The following ASNS variants were observed in gnomAD, a reference collection of about 807,000 sequenced individuals.
ASNS encodes asparagine synthetase (glutamine-hydrolyzing).
In ASNS, 37 loss-of-function variants were observed where a neutral mutation model predicts 62.6. The ratio of observed to expected loss-of-function variants is 0.59; its 90% CI spans 0.45 to 0.78. The LOEUF is 0.78. ASNS is among the 30% of genes least tolerant of loss of function. ASNS has a pLI of 0.00. For synonymous variants in ASNS, 207 were observed against 237.9 expected, an observed-to-expected ratio of 0.87 and a Z score of 1.19; for missense variants, 520 against 682.4, an observed-to-expected ratio of 0.76 and a Z score of 2.65.
At chr7:97,879,395 C>G in the ASNS span, among the ~76,000 whole-genome samples, 2 of 152,178 alleles carry the variant, frequency 1.3e-5, no homozygotes, top group African/African-American at 4.8e-5. Flanking sequence ...GCTATCTACT[C>G]GTCTGACAAA....
the ASNS span, among the ~76,000 whole-genome samples, chr7:97,920,467 T>C: frequency 5.9e-4 from 89 of 150,350 alleles, no homozygotes; most frequent in Non-Finnish European, 1.2e-3. Context: ...GTCTAGAGGG[T>C]CAGAGGGAGC....
rs1295285410 is a variant in ASNS, at chr7:97,868,995, G to A, written c.162C>T (p.Asp54=). 6.2e-7 allele frequency: 1 copy of A among 1,614,170 alleles called. No individual in the cohort carries two copies. The highest frequency in any genetic ancestry group is 8.5e-7 in the Non-Finnish European group (1 of 1,180,044). The change falls in exon 3 of 13, where the codon GAC becomes GAT. Residue 54 remains aspartate (D), a synonymous_variant. Coordinates refer to ENST00000394308, the MANE Select transcript of ASNS (RefSeq NM_001673.5). ...GAATTGGCTGCATTCCAAACAGCGGGTCAACTACCGCCAACCGGTGAAATC... is the reference window on the plus strand; with the variant it reads ...GAATTGGCTGCATTCCAAACAGCGGATCAACTACCGCCAACCGGTGAAATC... ...CFGFHRLAVV[D]PLFGMQPIRV... is the part of the protein sequence containing the mutation.
chr7:97,882,222 C>A, the ASNS span, among the ~76,000 whole-genome samples: 1,417 of 152,130 alleles, frequency 9.3e-3, 17 homozygotes, highest in Non-Finnish European at 8.2e-3. Flanking sequence ...CAGTGGGACA[C>A]CCCGGAGTTA....
At chr7:97,926,141 T>C in the ASNS span, among the ~76,000 whole-genome samples, 2 of 144,280 alleles carry the variant, frequency 1.4e-5, no homozygotes, top group Non-Finnish European at 3.0e-5. Context: ...TGCTAAAACA[T>C]CCTTTAGCCA....
chr7:97,872,825 G>A (rs1792351201), upstream of ASNS, among the ~76,000 whole-genome samples: 2 of 152,246 alleles, frequency 1.3e-5, no homozygotes, highest in Non-Finnish European at 2.9e-5. Context: ...TCGGGGCCAG[G>A]AGCGGTGGCT....
chr7:97,914,475 G>A, the ASNS span, among the ~76,000 whole-genome samples: 1 of 152,210 alleles, frequency 6.6e-6, no homozygotes, highest in African/African-American at 2.4e-5. Flanking sequence ...AGTGATGACA[G>A]CTGGGCAACC....
At chr7:97,880,133 CTT>C in the ASNS span, among the ~76,000 whole-genome samples, 11,996 of 146,474 alleles carry the variant, frequency 0.082, 615 homozygotes, top group East Asian at 0.11. Context: ...TCATCTCTGT[CTT>C]TTTTTTTTTT....
At chr7:97,898,679 T>C in the ASNS span, 2 of 659,022 alleles carry the variant, frequency 3.0e-6, no homozygotes, top group Non-Finnish European at 2.8e-6. Context: ...CAGTATCTGA[T>C]TGTTGTGTTT....
At chr7:97,895,141 T>G in the ASNS span, among the ~76,000 whole-genome samples, 1 of 152,258 alleles carries the variant, frequency 6.6e-6, no homozygotes, top group African/African-American at 2.4e-5. Context: ...TCTCAGCAGA[T>G]GCAGAAAAAT....
At chr7:97,888,977 G>A in the ASNS span, among the ~76,000 whole-genome samples, 1 of 152,078 alleles carries the variant, frequency 6.6e-6, no homozygotes, top group Non-Finnish European at 1.5e-5. Flanking sequence ...AGCCTGCCAC[G>A]CACACCACCC....
the ASNS span, chr7:97,898,654 A>G: frequency 3.0e-6 from 2 of 667,662 alleles, no homozygotes; most frequent in Non-Finnish European, 5.5e-6. Context: ...GATGGTGCTG[A>G]GCATAAGAGG....
chr7:97,911,785 G>A, the ASNS span, among the ~76,000 whole-genome samples: 2 of 151,722 alleles, frequency 1.3e-5, no homozygotes, highest in African/African-American at 4.9e-5. Context: ...AGGGAAGCGT[G>A]GGGGAGGCTG....
upstream of ASNS, among the ~76,000 whole-genome samples, chr7:97,873,483 A>G (rs943290666): frequency 1.9e-4 from 29 of 152,222 alleles, no homozygotes; most frequent in African/African-American, 6.3e-4. Context: ...AGTTACAGGC[A>G]AGAGCAAAGA....
Position 97,851,997 on chromosome 7 carries a change from T to C in ASNS, c.*262A>G. The C allele has an allele frequency of 2.2e-6, 1 of 454,242 alleles. No individual in the cohort carries two copies. The highest frequency in any genetic ancestry group is 4.0e-6 in the Non-Finnish European group (1 of 249,490). 28.1% of individuals were successfully genotyped at this position (454,242 alleles called of 1,614,324 possible). On this transcript the variant is annotated 3_prime_UTR_variant, in exon 13 of 13. Coordinates refer to ENST00000394308, the MANE Select transcript of ASNS (RefSeq NM_001673.5). ...TAAAGCAGCTCTGCCAGGAGAGGGC[T>C]GTGAGTTCTTGCAGACATCTGATCA...
chr7:97,898,848 G>A, the ASNS span: 1 of 833,970 alleles, frequency 1.2e-6, no homozygotes, highest in Non-Finnish European at 2.1e-6. Context: ...TTTTTGTCCT[G>A]AACATCTTCA....
At chr7:97,905,817 A>G in the ASNS span, among the ~76,000 whole-genome samples, 5 of 152,212 alleles carry the variant, frequency 3.3e-5, no homozygotes, top group Non-Finnish European at 7.3e-5. Flanking sequence ...TTTGCACCGT[A>G]TATGTGCCAG....
chr7:97,856,890 T>G (rs1440146306), intron 7 of ASNS, 74 bp from the exon 8 acceptor site: 4 of 1,417,652 alleles, frequency 2.8e-6, no homozygotes, highest in Non-Finnish European at 3.9e-6. Flanking sequence ...ATGATGGGAG[T>G]TCACAAAGCT....
At chr7:97,869,319 G>T (rs531140341) in intron 2 of ASNS, 140 bp from the exon 3 acceptor site, 4 of 995,716 alleles carry the variant, frequency 4.0e-6, no homozygotes, top group African/African-American at 3.3e-5. Context: ...TTCCCATTAG[G>T]TTGGCAGGCA....
chr7:97,906,033 TA>T, the ASNS span, among the ~76,000 whole-genome samples: 63 of 152,330 alleles, frequency 4.1e-4, no homozygotes, highest in African/African-American at 1.5e-3. Flanking sequence ...ATTTTGCCAT[TA>T]AAAGTAATGG....
Sources: gnomAD v4.1 joint callset for allele counts (sites outside exome capture counted in the v4.1 genomes callset) on GRCh38, gnomAD v4.1.1 for gene constraint, MANE v1.5 for transcripts, NCBI Gene and HGNC (gene_info 2026-07-23, HGNC 2026-07-21) for gene names.